Variants in LPAR1 observed in about 807,000 individuals in gnomAD.
LPAR1 encodes LPA receptor 1.
A neutral mutation model predicts 23.8 loss-of-function variants in LPAR1; 5 were observed. The ratio of observed to expected loss-of-function variants is 0.21; its 90% CI spans 0.11 to 0.44. LPAR1 has a LOEUF of 0.44. Among genes scored for constraint, LPAR1 ranks in the 20% least tolerant of loss-of-function variants. The pLI, the probability that LPAR1 is intolerant of heterozygous loss-of-function variation, is 0.99. For missense variants in LPAR1, 311 were observed against 482.8 expected (o/e 0.64, Z 3.33); for synonymous variants, 160 against 164.7 (o/e 0.97, Z 0.22).
chr9:110,916,831 A>C (rs1332793179), intron 5 of LPAR1, among the ~76,000 whole-genome samples: 2 of 152,272 alleles, frequency 1.3e-5, no homozygotes, highest in East Asian at 3.9e-4. Flanking sequence ...AATATTTTTT[A>C]AACTTGGAAA....
At chr9:111,029,879 C>A (rs1199379639) in intron 2 of LPAR1, among the ~76,000 whole-genome samples, 1 of 151,542 alleles carries the variant, frequency 6.6e-6, no homozygotes, top group Non-Finnish European at 1.5e-5. Flanking sequence ...AGTGAAACCC[C>A]ATCTCTACCA....
intron 5 of LPAR1, among the ~76,000 whole-genome samples, chr9:110,900,021 T>C (rs1285556566): frequency 1.3e-5 from 2 of 152,208 alleles, no homozygotes; most frequent in Admixed American, 1.3e-4. Flanking sequence ...ATGAGACAAA[T>C]AGCAACCCTC....
chr9:110,998,520 T>C (rs1309433218), intron 2 of LPAR1, among the ~76,000 whole-genome samples: 1 of 152,176 alleles, frequency 6.6e-6, no homozygotes, highest in Non-Finnish European at 1.5e-5. Flanking sequence ...TTATAAATCC[T>C]GGACATTAAA....
At chr9:110,944,948 A>G (rs1177217232) in intron 4 of LPAR1, among the ~76,000 whole-genome samples, 4 of 152,214 alleles carry the variant, frequency 2.6e-5, no homozygotes, top group African/African-American at 7.2e-5. Context: ...TAAGAACGCT[A>G]TATTTCATGA....
chr9:110,917,242 G>A (rs986666258), intron 5 of LPAR1, among the ~76,000 whole-genome samples: 2 of 151,572 alleles, frequency 1.3e-5, no homozygotes, highest in Admixed American at 1.3e-4. Flanking sequence ...CCAGCTACTT[G>A]GGAGGCTGGG....
In LPAR1 at chr9:110,971,988, G is replaced by C; in HGVS notation, c.45+85C>G. The C allele has an allele frequency of 9.8e-6, 11 of 1,127,166 alleles. No individual in the cohort carries two copies. In the South Asian group the frequency reaches 1.1e-4, roughly 12 times the overall value. 69.8% of individuals were successfully genotyped at this position (1,127,166 alleles called of 1,614,324 possible). ...GCGAGAGAGATATACATGATCCCTAGAGTCAAATACACTTCCTGAAACCCA... is the reference window on the plus strand; with the variant it reads ...GCGAGAGAGATATACATGATCCCTACAGTCAAATACACTTCCTGAAACCCA... On this transcript the variant is annotated intron_variant, in intron 4 of 5. Coordinates refer to ENST00000683809, the MANE Select transcript of LPAR1 (RefSeq NM_001351411.2).
At chr9:110,993,037 T>G (rs985790516) in intron 2 of LPAR1, among the ~76,000 whole-genome samples, 1 of 152,228 alleles carries the variant, frequency 6.6e-6, no homozygotes, top group Admixed American at 6.5e-5. Context: ...AACGCTATTT[T>G]ACAACTTTTT....
At chr9:111,037,529 A>G (rs1052314810) in intron 1 of LPAR1, among the ~76,000 whole-genome samples, 2 of 152,236 alleles carry the variant, frequency 1.3e-5, no homozygotes, top group Admixed American at 6.5e-5. Flanking sequence ...TTTCAAAACC[A>G]TCAACTTTCA....
intron 2 of LPAR1, among the ~76,000 whole-genome samples, chr9:111,024,861 C>T (rs62573262): frequency 0.52 from 78,896 of 151,816 alleles, 20,723 homozygotes; most frequent in East Asian, 0.67. Context: ...TCATCCAAGT[C>T]CCCACAAAGG....
Position 110,977,685 on chromosome 9 carries a change from T to C in LPAR1, c.-181-4127A>G, listed in dbSNP as rs143925913. Among the ~76,000 whole-genome samples the C allele has an allele frequency of 6.7e-3, 1,014 of 151,824 alleles. 12 individuals are homozygous for C. Among genetic ancestry groups the C allele is most frequent in the African/African-American group, 0.023 (967 of 41,346 alleles). ...GCTTAAAACCTAGATGACGAGTTGATAGGTGCATCAAACCACCATGGCACA... is the reference window on the plus strand; with the variant it reads ...GCTTAAAACCTAGATGACGAGTTGACAGGTGCATCAAACCACCATGGCACA... On this transcript the variant is annotated intron_variant, in intron 2 of 5. Coordinates refer to ENST00000683809, the MANE Select transcript of LPAR1 (RefSeq NM_001351411.2).
At chr9:110,882,373 T>G (rs2081120594) in intron 5 of LPAR1, among the ~76,000 whole-genome samples, 2 of 152,196 alleles carry the variant, frequency 1.3e-5, no homozygotes, top group African/African-American at 4.8e-5. Flanking sequence ...AAGCGCCTAG[T>G]ACATATATCC....
At chr9:110,921,132 TCAAAAAACAAAA>T (rs533475782) in intron 5 of LPAR1, among the ~76,000 whole-genome samples, 94 of 151,828 alleles carry the variant, frequency 6.2e-4, no homozygotes, top group Middle Eastern at 3.4e-3. Context: ...AAACCCTGTT[TCAAAAAACAAAA>T]CAAAAAACAA....
chr9:110,938,115 A>AGCCGTGACAGGCAATGTGG (rs1385399307), intron 5 of LPAR1, among the ~76,000 whole-genome samples: 2 of 152,214 alleles, frequency 1.3e-5, no homozygotes, highest in Admixed American at 6.5e-5. Flanking sequence ...TGTACCAGAT[A>AGCCGTGACAGGCAATGTGG]GCCGTGACAG....
At chr9:110,908,154 T>C (rs947230902) in intron 5 of LPAR1, among the ~76,000 whole-genome samples, 24 of 151,860 alleles carry the variant, frequency 1.6e-4, no homozygotes, top group Non-Finnish European at 2.9e-4. Flanking sequence ...TAGGAACATT[T>C]TTCTATTTAA....
At chr9:110,882,339 T>C (rs1032741614) in intron 5 of LPAR1, among the ~76,000 whole-genome samples, 2 of 152,226 alleles carry the variant, frequency 1.3e-5, no homozygotes, top group African/African-American at 2.4e-5. Context: ...TATCTTCCAT[T>C]GGATGAATTA....
intron 5 of LPAR1, among the ~76,000 whole-genome samples, chr9:110,930,557 G>C (rs1477564935): frequency 6.6e-6 from 1 of 151,898 alleles, no homozygotes; most frequent in Non-Finnish European, 1.5e-5. Flanking sequence ...TTTCCTTATA[G>C]GTCAGTAACC....
chr9:110,893,188 T>C (rs1296880008), intron 5 of LPAR1, among the ~76,000 whole-genome samples: 1 of 152,210 alleles, frequency 6.6e-6, no homozygotes, highest in Non-Finnish European at 1.5e-5. Context: ...TGAAGGGCAA[T>C]TTGGCAATAT....
At chr9:110,982,505 T>A (rs1017208427) in intron 2 of LPAR1, among the ~76,000 whole-genome samples, 1 of 151,920 alleles carries the variant, frequency 6.6e-6, no homozygotes, top group African/African-American at 2.4e-5. Flanking sequence ...AGGGATAGCA[T>A]TAGGAGAAAT....
At chr9:110,994,699 A>C (rs758433209) in intron 2 of LPAR1, among the ~76,000 whole-genome samples, 5 of 152,188 alleles carry the variant, frequency 3.3e-5, no homozygotes, top group Non-Finnish European at 5.9e-5. Flanking sequence ...GTCATCTTAC[A>C]TAAAATAATT....
Sources: allele counts gnomAD v4.1 joint callset (sites outside exome capture counted in the v4.1 genomes callset), GRCh38; gene constraint gnomAD v4.1.1; transcripts MANE v1.5; gene names NCBI Gene and HGNC (gene_info 2026-07-23, HGNC 2026-07-21).